Variants in OSBPL10 observed in about 807,000 individuals in gnomAD.
The protein encoded by OSBPL10 is oxysterol binding protein like 10, also known as oxysterol-binding protein-related protein 10.
OSBPL10 carries 49 observed loss-of-function variants against 81.7 expected under a neutral mutation model. The ratio of observed to expected loss-of-function variants is 0.60; its 90% CI spans 0.48 to 0.76. OSBPL10 has a LOEUF of 0.76. OSBPL10 is among the 30% of genes least tolerant of loss of function. The pLI, the probability that OSBPL10 is intolerant of heterozygous loss-of-function variation, is 0.00. For missense variants in OSBPL10, 923 were observed against 987.8 expected (o/e 0.93, Z 0.88); for synonymous variants, 419 against 383.6 (o/e 1.09, Z -1.08).
chr3:32,063,535 G>T (rs115045029), intron 1 of OSBPL10, among the ~76,000 whole-genome samples: 1,255 of 91,952 alleles, frequency 0.014, 257 homozygotes, highest in African/African-American at 0.033. Context: ...TTTGGCCCTG[G>T]GCTATCAGGG....
intron 8 of OSBPL10, among the ~76,000 whole-genome samples, chr3:31,676,394 C>CT (rs752295970): frequency 0.07 from 9,896 of 141,336 alleles, 929 homozygotes; most frequent in African/African-American, 0.24. Flanking sequence ...CTAAGAGAAG[C>CT]CAAAAAAAAA....
intron 1 of OSBPL10, among the ~76,000 whole-genome samples, chr3:31,929,575 A>G (rs989777113): frequency 2.0e-4 from 31 of 151,754 alleles, no homozygotes; most frequent in African/African-American, 7.3e-4. Context: ...GTGAAACCCC[A>G]TCTCTACTAA....
intron 2 of OSBPL10, among the ~76,000 whole-genome samples, chr3:32,032,457 A>G (rs1459003898): frequency 6.6e-6 from 1 of 152,124 alleles, no homozygotes; most frequent in Non-Finnish European, 1.5e-5. Flanking sequence ...AGTAAAAAGA[A>G]AAATGACAAA....
intron 1 of OSBPL10, among the ~76,000 whole-genome samples, chr3:32,073,067 T>A (rs9844437): frequency 0.71 from 107,217 of 152,016 alleles, 39,699 homozygotes; most frequent in East Asian, 0.89. Flanking sequence ...TCAGCCTCCA[T>A]CTTAAAAAGG....
intron 3 of OSBPL10, among the ~76,000 whole-genome samples, chr3:31,841,917 T>G (rs530528929): frequency 6.6e-6 from 1 of 152,276 alleles, no homozygotes; most frequent in South Asian, 2.1e-4. Context: ...AGTGAGCTGC[T>G]AAAAACAGCC....
chr3:31,781,745 A>C (rs1698700758), intron 4 of OSBPL10, among the ~76,000 whole-genome samples: 1 of 152,226 alleles, frequency 6.6e-6, no homozygotes, highest in Admixed American at 6.5e-5. Flanking sequence ...AATATACCTA[A>C]CTAAGGAGGT....
intron 7 of OSBPL10, among the ~76,000 whole-genome samples, chr3:31,687,968 G>C (rs1042423579): frequency 2.6e-5 from 4 of 151,704 alleles, no homozygotes; most frequent in African/African-American, 9.7e-5. Flanking sequence ...ATGGGCAAGA[G>C]AATGGGACAT....
chr3:31,662,205 C>G lies in OSBPL10; in HGVS notation c.2251-89G>C. ...GGATAACCGCAGCCACTCTGTGTGTCTGCCGTGTCTTAATACCTCACACGC... is the reference window on the plus strand; with the variant it reads ...GGATAACCGCAGCCACTCTGTGTGTGTGCCGTGTCTTAATACCTCACACGC... On this transcript the variant is annotated intron_variant, in intron 11 of 11. Coordinates refer to ENST00000396556, the MANE Select transcript of OSBPL10 (RefSeq NM_017784.5). 2.2e-5 allele frequency: 35 copies of G among 1,598,282 alleles called. No individual in the cohort carries two copies. In the South Asian group the frequency reaches 4.0e-4, roughly 18 times the overall value.
chr3:32,010,651 C>T (rs545651884), intron 2 of OSBPL10, among the ~76,000 whole-genome samples: 1 of 152,304 alleles, frequency 6.6e-6, no homozygotes, highest in East Asian at 1.9e-4. Context: ...GGCATCACTT[C>T]ACCCAGGAAG....
intron 3 of OSBPL10, among the ~76,000 whole-genome samples, chr3:31,865,721 G>A (rs1575589834): frequency 6.6e-6 from 1 of 152,230 alleles, no homozygotes; most frequent in South Asian, 2.1e-4. Flanking sequence ...ATTGTTCTGA[G>A]AGACCCTAAA....
chr3:31,750,436 A>G (rs1697675593), intron 4 of OSBPL10, among the ~76,000 whole-genome samples: 1 of 152,234 alleles, frequency 6.6e-6, no homozygotes, highest in Admixed American at 6.5e-5. Context: ...GTGCAAGAGA[A>G]TCCATTTATG....
intron 5 of OSBPL10, among the ~76,000 whole-genome samples, chr3:31,740,289 G>A (rs13327383): frequency 0.062 from 9,443 of 152,076 alleles, 395 homozygotes; most frequent in Middle Eastern, 0.096. Context: ...TGATCCACCC[G>A]CCTCGGCCTC....
chr3:31,677,439 G>T lies in OSBPL10; in HGVS notation c.1726+6195C>A, dbSNP rs539019445. 1.1e-4 allele frequency among the ~76,000 whole-genome samples: 16 copies of T among 152,302 alleles called. No individual in the cohort carries two copies. The South Asian group carries it at 3.3e-3, about 32-fold the overall frequency. The stretch of plus-strand genomic sequence containing the variant: ...CCCACCCACAGCAGGAAAACATCAG[G>T]TGAGTGGCCAGGAAGGGCCATGTCC... On this transcript the variant is annotated intron_variant, in intron 8 of 11. Coordinates refer to ENST00000396556, the MANE Select transcript of OSBPL10 (RefSeq NM_017784.5).
In OSBPL10 at chr3:31,871,538, T is replaced by C. The variant is rs142363971; in HGVS notation, c.537+4895A>G. Among the ~76,000 whole-genome samples, 630 of 152,292 alleles carry C rather than the reference T, an allele frequency of 4.1e-3. 8 individuals carry two copies. The highest frequency in any genetic ancestry group is 0.014 in the African/African-American group (598 of 41,560). ...TTCCGGACACACTGTAACACCACTT[T>C]TCCTATCCTAGAAGTTTCCTAAGAC... On this transcript the variant is annotated intron_variant, in intron 3 of 11. Transcript: ENST00000396556.
At chr3:31,973,403 A>G (rs552248650) in intron 1 of OSBPL10, among the ~76,000 whole-genome samples, 2 of 152,230 alleles carry the variant, frequency 1.3e-5, no homozygotes, top group Non-Finnish European at 2.9e-5. Flanking sequence ...TAGTCTATCT[A>G]AAATACAAGA....
At chr3:32,048,014 A>G (rs914826686) in intron 1 of OSBPL10, among the ~76,000 whole-genome samples, 9 of 152,160 alleles carry the variant, frequency 5.9e-5, no homozygotes, top group Admixed American at 2.0e-4. Context: ...TTGTGATACC[A>G]GTCCTGCCGA....
At chr3:31,768,870 G>A (rs1698276622) in intron 4 of OSBPL10, among the ~76,000 whole-genome samples, 1 of 152,156 alleles carries the variant, frequency 6.6e-6, no homozygotes, top group Non-Finnish European at 1.5e-5. Context: ...TTCACATTGG[G>A]TAGGTATTAC....
chr3:32,021,974 G>A (rs1181457611), intron 2 of OSBPL10, among the ~76,000 whole-genome samples: 4 of 58,742 alleles, frequency 6.8e-5, no homozygotes, highest in African/African-American at 2.1e-4. Flanking sequence ...GAGATAATCT[G>A]TCTCGAAAAA....
rs191691267 is a variant in OSBPL10 at position 32,051,106 on chromosome 3, C to T, written n.186-4503G>A. On this transcript the variant is annotated intron_variant and non_coding_transcript_variant, in intron 1 of 3. Transcript: ENST00000479173. ...TGGAAAAGAGGCTTTATTTTCTTCT[C>T]AGTTGACTGAATGGTTTGTCTCTAT... Among the ~76,000 whole-genome samples the T allele has an allele frequency of 6.4e-4, 98 of 152,284 alleles. No individual in the cohort carries two copies. The Middle Eastern group carries it at 0.014, about 21-fold the overall frequency.
Sources: allele counts gnomAD v4.1 joint callset (sites outside exome capture counted in the v4.1 genomes callset), GRCh38; gene constraint gnomAD v4.1.1; transcripts MANE v1.5; gene names NCBI Gene and HGNC (gene_info 2026-07-23, HGNC 2026-07-21).